Variants in KCTD8 observed in about 807,000 individuals in gnomAD.
KCTD8 encodes BTB/POZ domain-containing protein KCTD8.
In KCTD8, 27 loss-of-function variants were observed where a neutral mutation model predicts 31.5. The observed-to-expected ratio is 0.86, with a 90% confidence interval of 0.63 to 1.18. The LOEUF (loss-of-function observed/expected upper bound fraction) is 1.18. Among genes scored for constraint, KCTD8 ranks in the 50% most tolerant of loss-of-function variants. The probability of loss-of-function intolerance (pLI) is 0.00; values close to 1 mark genes in which losing one functional copy is unlikely to be tolerated. For missense variants in KCTD8, 658 were observed against 647.7 expected (o/e 1.02, Z -0.17); for synonymous variants, 290 against 280.0 (o/e 1.04, Z -0.36).
intron 1 of KCTD8, among the ~76,000 whole-genome samples, chr4:44,285,164 C>A (rs1289702792): frequency 6.6e-6 from 1 of 152,130 alleles, no homozygotes; most frequent in East Asian, 1.9e-4. Context: ...GATAAAGACA[C>A]ATGTACACAT....
intron 1 of KCTD8, among the ~76,000 whole-genome samples, chr4:44,278,526 A>G (rs1716813549): frequency 6.6e-6 from 1 of 152,076 alleles, no homozygotes; most frequent in Non-Finnish European, 1.5e-5. Flanking sequence ...ACATTTGTAG[A>G]GGTGATGATG....
intron 1 of KCTD8, among the ~76,000 whole-genome samples, chr4:44,351,946 A>G (rs1344904202): frequency 6.6e-6 from 1 of 152,104 alleles, no homozygotes; most frequent in Admixed American, 6.6e-5. Context: ...AATAAAACAT[A>G]AAATAAGTAT....
chr4:44,319,708 C>A (rs1444483055), intron 1 of KCTD8, among the ~76,000 whole-genome samples: 1 of 151,880 alleles, frequency 6.6e-6, no homozygotes, highest in Non-Finnish European at 1.5e-5. Flanking sequence ...ATTTGGAATG[C>A]CAAAAAGTAA....
intron 1 of KCTD8, among the ~76,000 whole-genome samples, chr4:44,397,005 T>C (rs79661896): frequency 0.068 from 10,352 of 152,156 alleles, 432 homozygotes; most frequent in South Asian, 0.11. Flanking sequence ...GCCTGGCTTC[T>C]AGGGACACTA....
intron 1 of KCTD8, among the ~76,000 whole-genome samples, chr4:44,300,515 C>T (rs1717579824): frequency 6.6e-6 from 1 of 151,976 alleles, no homozygotes; most frequent in African/African-American, 2.4e-5. Context: ...AAAACATTTT[C>T]TGTATTGCCA....
chr4:44,349,094 C>T (rs73247512), intron 1 of KCTD8, among the ~76,000 whole-genome samples: 2,482 of 109,126 alleles, frequency 0.023, 51 homozygotes, highest in African/African-American at 0.074. Context: ...CCACCACCAC[C>T]ACTACCACCA....
chr4:44,372,794 C>G (rs1218777241), intron 1 of KCTD8, among the ~76,000 whole-genome samples: 1 of 152,144 alleles, frequency 6.6e-6, no homozygotes, highest in Non-Finnish European at 1.5e-5. Context: ...GACATTGCTT[C>G]AATTCTTTTA....
chr4:44,216,732 A>T (rs2109346004), intron 1 of KCTD8, among the ~76,000 whole-genome samples: 1 of 152,336 alleles, frequency 6.6e-6, no homozygotes, highest in South Asian at 2.1e-4. Flanking sequence ...AACAGTTCAC[A>T]TACATTGAAG....
intron 1 of KCTD8, among the ~76,000 whole-genome samples, chr4:44,269,153 G>A (rs140474730): frequency 0.13 from 19,032 of 151,982 alleles, 1,364 homozygotes; most frequent in East Asian, 0.24. Context: ...CTACAAGGCT[G>A]CAGTAACCAA....
chr4:44,193,947 T>G (rs1035195026), intron 1 of KCTD8, among the ~76,000 whole-genome samples: 4 of 152,110 alleles, frequency 2.6e-5, no homozygotes, highest in South Asian at 2.1e-4. Flanking sequence ...ACAGTAAAAT[T>G]TACAGAGTGA....
At chr4:44,349,963 G>A (rs1216639041) in intron 1 of KCTD8, among the ~76,000 whole-genome samples, 1 of 152,116 alleles carries the variant, frequency 6.6e-6, no homozygotes, top group Non-Finnish European at 1.5e-5. Context: ...GCTAGAGAGA[G>A]ACAAGCTTCA....
At chr4:44,346,678 C>T (rs976313943) in intron 1 of KCTD8, among the ~76,000 whole-genome samples, 6 of 152,152 alleles carry the variant, frequency 3.9e-5, no homozygotes, top group African/African-American at 9.7e-5. Context: ...ACACAGATGA[C>T]AGCACTAGTA....
chr4:44,299,860 C>A (rs183094800), intron 1 of KCTD8, among the ~76,000 whole-genome samples: 1 of 148,072 alleles, frequency 6.8e-6, no homozygotes, highest in South Asian at 2.2e-4. Context: ...TCACATCTTT[C>A]TCCTGCCTCA....
intron 1 of KCTD8, among the ~76,000 whole-genome samples, chr4:44,388,504 C>G (rs1720282265): frequency 6.6e-6 from 1 of 151,284 alleles, no homozygotes; most frequent in Non-Finnish European, 1.5e-5. Context: ...TACATATATA[C>G]TATGGAATAT....
rs1714929003 is a variant in KCTD8 at position 44,225,452 on chromosome 4, C to G, written c.962-50202G>C. Among the ~76,000 whole-genome samples, 3 of 152,146 alleles carry G rather than the reference C, an allele frequency of 2.0e-5. No homozygotes were observed. In the South Asian group the frequency reaches 6.2e-4, roughly 32 times the overall value. Reference sequence around the variant, plus strand: ...TATGACTACTTTCATACTACAAAGGCAGAGTTGAGAAGTTGTGGTACAGAC... The same window carrying G: ...TATGACTACTTTCATACTACAAAGGGAGAGTTGAGAAGTTGTGGTACAGAC... On this transcript the variant is annotated intron_variant, in intron 1 of 1. Transcript: ENST00000360029.
At chr4:44,214,589 C>T (rs1490192732) in intron 1 of KCTD8, among the ~76,000 whole-genome samples, 5 of 152,070 alleles carry the variant, frequency 3.3e-5, no homozygotes, top group South Asian at 2.1e-4. Flanking sequence ...ATGAAACCGC[C>T]TTTGCAAAAA....
intron 1 of KCTD8, among the ~76,000 whole-genome samples, chr4:44,263,678 T>C (rs769010047): frequency 6.6e-6 from 1 of 152,112 alleles, no homozygotes; most frequent in Non-Finnish European, 1.5e-5. Flanking sequence ...TATGGAAAGC[T>C]GTTATTAGGA....
chr4:44,359,229 C>G lies in KCTD8; in HGVS notation c.961+88334G>C, dbSNP rs561216819. 3.4e-4 allele frequency among the ~76,000 whole-genome samples: 51 copies of G among 151,392 alleles called. No individual in the cohort carries two copies. The South Asian group carries it at 4.4e-3, about 13-fold the overall frequency. ...TGCTTTTGGTGTTTTAGTCATGAAG[C>G]CTTTGCCCATGCCTATGTCCTGAAT... On this transcript the variant is annotated intron_variant, in intron 1 of 1. Coordinates refer to ENST00000360029, the MANE Select transcript of KCTD8 (RefSeq NM_198353.3).
intron 1 of KCTD8, among the ~76,000 whole-genome samples, chr4:44,399,278 T>G (rs1331556309): frequency 6.6e-6 from 1 of 152,046 alleles, no homozygotes; most frequent in Non-Finnish European, 1.5e-5. Flanking sequence ...GAAAAGTAAC[T>G]GATTAGTGAA....
Sources: gnomAD v4.1 joint callset for allele counts (sites outside exome capture counted in the v4.1 genomes callset) on GRCh38, gnomAD v4.1.1 for gene constraint, MANE v1.5 for transcripts, NCBI Gene and HGNC (gene_info 2026-07-23, HGNC 2026-07-21) for gene names.